Variants in PALM2AKAP2 observed in about 807,000 individuals in gnomAD.
The protein encoded by PALM2AKAP2 is PALM2-AKAP2 fusion protein.
In PALM2AKAP2, 37 loss-of-function variants were observed where a neutral mutation model predicts 71.5. That is an observed-to-expected ratio of 0.52 (90% CI 0.40 to 0.68). The LOEUF (loss-of-function observed/expected upper bound fraction) is 0.68. PALM2AKAP2 is among the 30% of genes least tolerant of loss of function. The pLI is 0.00. For synonymous variants in PALM2AKAP2, 468 were observed against 478.8 expected, an observed-to-expected ratio of 0.98 and a Z score of 0.29; for missense variants, 1,224 against 1,191.8, an observed-to-expected ratio of 1.03 and a Z score of -0.40.
intron 1 of PALM2AKAP2, among the ~76,000 whole-genome samples, chr9:109,683,741 TC>T (rs1325956601): frequency 1.3e-5 from 2 of 152,100 alleles, no homozygotes; most frequent in Non-Finnish European, 2.9e-5. Context: ...GTGTTCTTGC[TC>T]CCACAATGAC....
At chr9:109,798,086 C>T (rs1340649158) in intron 1 of PALM2AKAP2, among the ~76,000 whole-genome samples, 1 of 152,156 alleles carries the variant, frequency 6.6e-6, no homozygotes, top group Non-Finnish European at 1.5e-5. Flanking sequence ...TTCCAGGCCT[C>T]TCTCCTGGAC....
At position 109,864,564 on chromosome 9, in the gene PALM2AKAP2, C is replaced by G. The variant is rs116253830; in HGVS notation, c.46-2927C>G. Reference sequence around the variant, plus strand: ...GGCACTTAAATGATATTTGAATCCACAGGTCAGCAAACTAGGACCCGTGGG... The same window carrying G: ...GGCACTTAAATGATATTTGAATCCAGAGGTCAGCAAACTAGGACCCGTGGG... On this transcript the variant is annotated intron_variant, in intron 1 of 9. Transcript: ENST00000302798. 9.6e-3 allele frequency among the ~76,000 whole-genome samples: 1,461 copies of G among 152,300 alleles called. 20 individuals are homozygous for G. Among genetic ancestry groups the G allele is most frequent in the African/African-American group, 0.033 (1,390 of 41,554 alleles).
chr9:109,805,654 G>A (rs1827552484), intron 1 of PALM2AKAP2, among the ~76,000 whole-genome samples: 1 of 152,168 alleles, frequency 6.6e-6, no homozygotes, highest in Non-Finnish European at 1.5e-5. Context: ...GCCCCAGTTT[G>A]GAATTAACTA....
intron 1 of PALM2AKAP2, among the ~76,000 whole-genome samples, chr9:109,716,956 G>C (rs1340003515): frequency 6.6e-6 from 1 of 152,148 alleles, no homozygotes; most frequent in East Asian, 1.9e-4. Context: ...ACTCCTGATG[G>C]GATGTCTGGT....
At chr9:109,945,959 A>G (rs1435177212) in intron 6 of PALM2AKAP2, 2 of 152,244 alleles carry the variant, frequency 1.3e-5, no homozygotes, top group African/African-American at 4.8e-5. Context: ...AGTTCTCTCT[A>G]TACTTTTATT....
intron 1 of PALM2AKAP2, among the ~76,000 whole-genome samples, chr9:109,674,165 A>C (rs144313954): frequency 7.0e-4 from 106 of 151,372 alleles, no homozygotes; most frequent in Non-Finnish European, 1.4e-3. Flanking sequence ...CTGTTCTAGG[A>C]TTTCTTTTTT....
intron 6 of PALM2AKAP2, among the ~76,000 whole-genome samples, chr9:109,959,656 A>C (rs1296743843): frequency 6.6e-6 from 1 of 151,964 alleles, no homozygotes; most frequent in Non-Finnish European, 1.5e-5. Flanking sequence ...AAAAAAAAAA[A>C]AAAAAAATCC....
At chr9:109,665,958 C>T (rs1454103743) in intron 1 of PALM2AKAP2, among the ~76,000 whole-genome samples, 3 of 152,240 alleles carry the variant, frequency 2.0e-5, no homozygotes, top group African/African-American at 7.2e-5. Flanking sequence ...GCTGCGCTAG[C>T]AGTGAGCAAG....
intron 1 of PALM2AKAP2, among the ~76,000 whole-genome samples, chr9:109,800,815 A>G (rs1281621126): frequency 6.6e-6 from 1 of 152,240 alleles, no homozygotes; most frequent in African/African-American, 2.4e-5. Context: ...TATTCAATAC[A>G]ATTTCCTTTT....
At chr9:109,786,697 C>G (rs1826977555) in intron 1 of PALM2AKAP2, among the ~76,000 whole-genome samples, 1 of 152,100 alleles carries the variant, frequency 6.6e-6, no homozygotes, top group African/African-American at 2.4e-5. Flanking sequence ...CTCCCTGCTA[C>G]TTATTTGTAC....
intron 7 of PALM2AKAP2, among the ~76,000 whole-genome samples, chr9:110,028,849 C>A (rs1833228641): frequency 6.6e-6 from 1 of 151,542 alleles, no homozygotes; most frequent in African/African-American, 2.4e-5. Context: ...AGTCCAGTGG[C>A]CCTAGGCAAG....
At chr9:109,822,275 CCA>C (rs1491041926) in intron 1 of PALM2AKAP2, among the ~76,000 whole-genome samples, 6 of 144,900 alleles carry the variant, frequency 4.1e-5, no homozygotes, top group African/African-American at 1.5e-4. Context: ...ATCTATCCAT[CCA>C]TCCATCCATC....
At chr9:109,905,756 G>A (rs1029661170) in intron 3 of PALM2AKAP2, among the ~76,000 whole-genome samples, 1 of 152,152 alleles carries the variant, frequency 6.6e-6, no homozygotes, top group South Asian at 2.1e-4. Context: ...TCAGTCCCTG[G>A]GACATCTTAA....
chr9:110,135,172 A>AAAAAAAAAT (rs1554755284), intron 1 of PALM2AKAP2, among the ~76,000 whole-genome samples: 1 of 61,098 alleles, frequency 1.6e-5, no homozygotes, highest in Non-Finnish European at 3.1e-5. Context: ...AAAATATATA[A>AAAAAAAAAT]ATATATATAT....
At chr9:109,751,701 A>T (rs775046345) in intron 1 of PALM2AKAP2, among the ~76,000 whole-genome samples, 1 of 152,208 alleles carries the variant, frequency 6.6e-6, no homozygotes, top group Non-Finnish European at 1.5e-5. Flanking sequence ...CATCTCATAG[A>T]GCAAGATGAA....
intron 7 of PALM2AKAP2, among the ~76,000 whole-genome samples, chr9:110,019,518 T>G (rs1383052405): frequency 2.0e-5 from 3 of 152,186 alleles, no homozygotes; most frequent in Admixed American, 6.5e-5. Context: ...GTAGCACTAT[T>G]CACAGTAGGA....
At chr9:110,075,689 T>C (rs936088192) in intron 1 of PALM2AKAP2, among the ~76,000 whole-genome samples, 32 of 152,084 alleles carry the variant, frequency 2.1e-4, no homozygotes, top group African/African-American at 7.2e-4. Flanking sequence ...CCTAATGTTT[T>C]TACTCACTTT....
At chr9:109,862,907 A>T (rs10816901) in intron 1 of PALM2AKAP2, 76,929 of 514,058 alleles carry the variant, frequency 0.15, 6,253 homozygotes, top group East Asian at 0.27. Flanking sequence ...AGATCAGGAG[A>T]CTGCAAGTAG....
intron 1 of PALM2AKAP2, among the ~76,000 whole-genome samples, chr9:110,083,940 C>T (rs1041075043): frequency 3.3e-5 from 5 of 152,162 alleles, no homozygotes; most frequent in South Asian, 2.1e-4. Context: ...AAACTACCAG[C>T]GGTAGAGCAA....
Sources: gnomAD v4.1 joint callset for allele counts (sites outside exome capture counted in the v4.1 genomes callset) on GRCh38, gnomAD v4.1.1 for gene constraint, MANE v1.5 for transcripts, NCBI Gene and HGNC (gene_info 2026-07-23, HGNC 2026-07-21) for gene names.